Variants in GNB1 observed in about 807,000 individuals in gnomAD.
GNB1 encodes the protein guanine nucleotide-binding protein G(I)/G(S)/G(T) subunit beta-1.
A neutral mutation model predicts 42.9 loss-of-function variants in GNB1; 2 were observed. That is an observed-to-expected ratio of 0.05 (90% CI 0.02 to 0.15). GNB1 has a LOEUF of 0.15. GNB1 is among the 10% of genes least tolerant of loss of function. The probability of loss-of-function intolerance (pLI) is 1.00; values close to 1 mark genes in which losing one functional copy is unlikely to be tolerated. For missense variants in GNB1, 193 were observed against 462.2 expected, an observed-to-expected ratio of 0.42 and a Z score of 5.34; for synonymous variants, 183 against 174.7, an observed-to-expected ratio of 1.05 and a Z score of -0.38.
chr1:1,879,459 C>T (rs1649720318), intron 1 of GNB1, among the ~76,000 whole-genome samples: 1 of 152,162 alleles, frequency 6.6e-6, no homozygotes, highest in Admixed American at 6.5e-5. Flanking sequence ...GTAATCCCAG[C>T]ACTTTGGGAG....
At chr1:1,838,792 GCTTT>G (rs1463141322) in intron 2 of GNB1, among the ~76,000 whole-genome samples, 2 of 152,082 alleles carry the variant, frequency 1.3e-5, no homozygotes, top group African/African-American at 2.4e-5. Context: ...GGGCTCTCCT[GCTTT>G]CTAACGAAAA....
chr1:1,842,748 C>T (rs1031754364), intron 1 of GNB1, among the ~76,000 whole-genome samples: 2 of 152,174 alleles, frequency 1.3e-5, no homozygotes, highest in African/African-American at 2.4e-5. Context: ...ATGTACTAAA[C>T]GGCACCGAAT....
intron 1 of GNB1, chr1:1,890,369 T>C (rs1000542327): frequency 1.3e-5 from 2 of 149,492 alleles, no homozygotes; most frequent in African/African-American, 2.5e-5. Context: ...GTCACCCCGA[T>C]AGGCGGCCCG....
At chr1:1,859,024 T>G (rs1404311794) in intron 1 of GNB1, among the ~76,000 whole-genome samples, 1 of 151,648 alleles carries the variant, frequency 6.6e-6, no homozygotes, top group Non-Finnish European at 1.5e-5. Flanking sequence ...GTATTTATTT[T>G]CTTTTTTTTT....
At chr1:1,872,142 C>G (rs182728319) in intron 1 of GNB1, among the ~76,000 whole-genome samples, 12 of 152,068 alleles carry the variant, frequency 7.9e-5, no homozygotes, top group Admixed American at 2.0e-4. Context: ...GCTGGAACTA[C>G]AAGTGTATGC....
At chr1:1,808,284 C>T (rs1002854780) in intron 5 of GNB1, among the ~76,000 whole-genome samples, 28 of 152,242 alleles carry the variant, frequency 1.8e-4, no homozygotes, top group African/African-American at 6.5e-4. Context: ...GTATTACAAG[C>T]GTTGAGCCAC....
At chr1:1,852,562 G>C (rs546131191) in intron 1 of GNB1, among the ~76,000 whole-genome samples, 11 of 152,030 alleles carry the variant, frequency 7.2e-5, no homozygotes, top group Middle Eastern at 3.4e-3. Context: ...TGGCATGGTG[G>C]TGCATACCTG....
intron 1 of GNB1, among the ~76,000 whole-genome samples, chr1:1,883,277 CCA>C (rs1649955048): frequency 8.2e-6 from 1 of 122,418 alleles, no homozygotes; most frequent in Non-Finnish European, 1.8e-5. Context: ...AAACCCTGTC[CCA>C]AAAAAAAAAA....
chr1:1,829,951 G>A (rs917892293), intron 2 of GNB1, among the ~76,000 whole-genome samples: 2 of 152,078 alleles, frequency 1.3e-5, no homozygotes, highest in Admixed American at 6.6e-5. Flanking sequence ...TGTTGGCCAG[G>A]CTGGTCTTGA....
intron 1 of GNB1, among the ~76,000 whole-genome samples, chr1:1,886,282 C>T (rs1244318925): frequency 6.6e-6 from 1 of 152,138 alleles, no homozygotes; most frequent in Non-Finnish European, 1.5e-5. Context: ...TGCGCCACTG[C>T]ACTCCAGACT....
rs180841365 is a variant in GNB1, at chr1:1,888,310, A to G, written c.-96+2510T>C. Among the ~76,000 whole-genome samples the G allele has an allele frequency of 4.9e-4, 74 of 151,860 alleles. 1 individual carries two copies. The highest frequency in any genetic ancestry group is 1.0e-3 in the Admixed American group (16 of 15,242). On this transcript the variant is annotated intron_variant, in intron 1 of 11. Transcript: ENST00000378609. ...CACTGGGCCTGGGCAGTGCGCACTT[A>G]ACTGGGAGGGGGCACAGGCACCTCA...
intron 2 of GNB1, among the ~76,000 whole-genome samples, chr1:1,828,123 C>T (rs1647024171): frequency 1.3e-5 from 2 of 152,160 alleles, no homozygotes; most frequent in Non-Finnish European, 2.9e-5. Context: ...GAGTTTGAGA[C>T]CAGCGTGGTT....
Position 1,789,155 on chromosome 1 carries a change from C to T in GNB1, c.814G>A (p.Gly272Arg), listed in dbSNP as rs1356733529. Reference protein sequence around the residue: ...MTYSHDNIICGITSVSFSKSG... With the variant: ...MTYSHDNIICRITSVSFSKSG... ...TTGGAGAAGGAGACAGAGGTGATCCCGCAGATGATGTTGTCATGGGAGTAA... is the reference window on the plus strand; with the variant it reads ...TTGGAGAAGGAGACAGAGGTGATCCTGCAGATGATGTTGTCATGGGAGTAA... Residue 272 changes from glycine to arginine, a missense_variant, in exon 10 of 12, where the codon GGG becomes AGG. Gly to Arg is a moderately radical substitution (Grantham distance 125). Transcript: ENST00000378609. 1.2e-6 allele frequency: 2 copies of T among 1,614,026 alleles called. No individual in the cohort carries two copies. The highest frequency in any genetic ancestry group is 1.3e-5 in the African/African-American group (1 of 75,048).
chr1:1,863,463 G>C (rs1648739897), intron 1 of GNB1, among the ~76,000 whole-genome samples: 1 of 152,220 alleles, frequency 6.6e-6, no homozygotes, highest in Non-Finnish European at 1.5e-5. Context: ...GGGTTTGGGA[G>C]TGGGGCAAAC....
At chr1:1,830,220 A>G (rs1647056600) in intron 2 of GNB1, among the ~76,000 whole-genome samples, 3 of 152,180 alleles carry the variant, frequency 2.0e-5, no homozygotes, top group Non-Finnish European at 4.4e-5. Flanking sequence ...GAACAAAGAA[A>G]CATTTTTTTC....
At chr1:1,885,338 G>A (rs1232743976) in intron 1 of GNB1, among the ~76,000 whole-genome samples, 7 of 150,750 alleles carry the variant, frequency 4.6e-5, no homozygotes, top group Non-Finnish European at 8.9e-5. Flanking sequence ...ACTTGAACCC[G>A]GGAGGCAGAA....
intron 1 of GNB1, among the ~76,000 whole-genome samples, chr1:1,878,445 G>A (rs1649666081): frequency 6.6e-6 from 1 of 152,130 alleles, no homozygotes; most frequent in Non-Finnish European, 1.5e-5. Context: ...CTGACTTGGG[G>A]CTTCTCCTGC....
intron 1 of GNB1, among the ~76,000 whole-genome samples, chr1:1,855,467 C>T (rs553551759): frequency 9.2e-5 from 14 of 152,160 alleles, no homozygotes; most frequent in Admixed American, 2.0e-4. Flanking sequence ...TTTGGGAGGC[C>T]GAGGCGGGCG....
chr1:1,815,737 T>C lies in GNB1; in HGVS notation c.203+19A>G, dbSNP rs1347904256. 6.8e-6 allele frequency: 9 copies of C among 1,326,478 alleles called. No homozygotes were observed. The highest frequency in any genetic ancestry group is 9.8e-6 in the Non-Finnish European group (9 of 917,988). The allele number at this position is 1,326,478 out of a possible 1,614,324, so 82.2% of individuals were successfully genotyped here. On this transcript the variant is annotated intron_variant, in intron 5 of 11. Transcript: ENST00000378609. ...CCCCTGAATGTAACAAGCAGCATCC[T>C]GCTCATGCCCACGCCTACCTGGAGT...
Sources: allele counts gnomAD v4.1 joint callset (sites outside exome capture counted in the v4.1 genomes callset), GRCh38; gene constraint gnomAD v4.1.1; transcripts MANE v1.5; gene names NCBI Gene and HGNC (gene_info 2026-07-23, HGNC 2026-07-21).